S100A5: variants seen among roughly 807,000 people sequenced by gnomAD.
The protein encoded by S100A5 is S100 calcium binding protein A5, also known as protein S100-A5.
Under a neutral mutation model 6.7 loss-of-function variants are expected in S100A5, and 5 were observed. The ratio of observed to expected loss-of-function variants is 0.75; its 90% CI spans 0.39 to 1.57. S100A5 has a LOEUF of 1.57. Among genes scored for constraint, S100A5 ranks in the 40% most tolerant of loss-of-function variants. S100A5 has a pLI of 0.03. For synonymous variants in S100A5, 49 were observed against 44.9 expected, an observed-to-expected ratio of 1.09 and a Z score of -0.37; for missense variants, 129 against 110.8, an observed-to-expected ratio of 1.16 and a Z score of -0.74.
intron 2 of S100A5, among the ~76,000 whole-genome samples, chr1:153,539,444 AAAAAAAATATATAT>A (rs1165537264): frequency 1.2e-4 from 12 of 104,300 alleles, no homozygotes; most frequent in African/African-American, 4.9e-4. Context: ...AAAAAAAAAA[AAAAAAAATATATAT>A]ATATATATAT....
upstream of S100A5, chr1:153,543,572 C>A: frequency 1.6e-6 from 1 of 643,178 alleles, no homozygotes; most frequent in African/African-American, 1.8e-5. Flanking sequence ...CACAACATAT[C>A]CCTCAGTCCC....
In S100A5 at chr1:153,537,411, A is replaced by C. The variant is rs760628009; in HGVS notation, c.164T>G (p.Leu55Trp). 2 of 1,614,094 alleles carry C rather than the reference A, an allele frequency of 1.2e-6. No homozygotes were observed. The highest frequency in any genetic ancestry group is 2.2e-5 in the South Asian group (2 of 91,076). Residue 55 changes from leucine to tryptophan, a missense_variant, in exon 3 of 3, where the codon TTG becomes TGG. Coordinates refer to ENST00000368717, the MANE Select transcript of S100A5 (RefSeq NM_001394232.1). ...GCTGTTCTTGTCCAGGCTCTTCATC[A>C]AGTCATCGATGCTGCTCTCCTTCAT... Reference protein sequence around the residue: ...GEMKESSIDDLMKSLDKNSDQ... With the variant: ...GEMKESSIDDWMKSLDKNSDQ...
At position 153,540,807 on chromosome 1, in the gene S100A5, G is replaced by A. The variant is rs943195204; in HGVS notation, c.-201C>T. On this transcript the variant is annotated 5_prime_UTR_variant, in exon 1 of 3. Coordinates refer to ENST00000368717, the MANE Select transcript of S100A5 (RefSeq NM_001394232.1). ...GCAGTGCACACAGAGACGGGTCAGCGGGCAGGGAGGGCAGGGGGCCTCTTG... is the reference window on the plus strand; with the variant it reads ...GCAGTGCACACAGAGACGGGTCAGCAGGCAGGGAGGGCAGGGGGCCTCTTG... 11 of 158,980 alleles carry A rather than the reference G, an allele frequency of 6.9e-5. No individual in the cohort carries two copies. Among genetic ancestry groups the A allele is most frequent in the African/African-American group, 2.2e-4 (9 of 41,440 alleles). 9.8% of individuals were successfully genotyped at this position (158,980 alleles called of 1,614,324 possible). A position where few individuals can be genotyped will look rare whatever the true frequency, so the allele number is the denominator to read the frequency against.
In S100A5 at chr1:153,537,342, A is replaced by G. The variant is rs766617208; in HGVS notation, c.233T>C (p.Met78Thr). Residue 78 changes from methionine (M) to threonine (T), a missense_variant, in exon 3 of 3, where the codon ATG becomes ACG. Coordinates refer to ENST00000368717, the MANE Select transcript of S100A5 (RefSeq NM_001394232.1). ...DFKEYSVFLT[M>T]LCMAYNDFFL... The stretch of plus-strand genomic sequence containing the variant: ...GAAGTCGTTGTAGGCCATGCACAGC[A>G]TGGTCAGGAACACCGAGTACTCCTT... 1.2e-6 allele frequency: 2 copies of G among 1,614,056 alleles called. No individual in the cohort carries two copies. Among genetic ancestry groups the G allele is most frequent in the Non-Finnish European group, 8.5e-7 (1 of 1,180,024 alleles).
intron 1 of S100A5, 141 bp from the exon 2 acceptor site, chr1:153,540,346 A>G (rs762341326): frequency 5.2e-6 from 4 of 770,402 alleles, no homozygotes; most frequent in East Asian, 5.4e-5. Flanking sequence ...GCGCCCATCT[A>G]TATCAGTACA....
At chr1:153,542,844 T>C (rs945281345), upstream of S100A5, among the ~76,000 whole-genome samples, 4 of 152,098 alleles carry the variant, frequency 2.6e-5, no homozygotes, top group African/African-American at 9.7e-5. Flanking sequence ...AAAACTATGG[T>C]CACCTTCCCA....
chr1:153,543,063 C>T (rs190670076), upstream of S100A5, among the ~76,000 whole-genome samples: 10 of 152,248 alleles, frequency 6.6e-5, no homozygotes, highest in Admixed American at 3.9e-4. Context: ...GATCCTACCA[C>T]GCACAGGAAA....
In S100A5 at chr1:153,537,325, T is replaced by C; in HGVS notation, c.250A>G (p.Asn84Asp). 6.2e-7 allele frequency: 1 copy of C among 1,613,996 alleles called. No individual in the cohort carries two copies. The highest frequency in any genetic ancestry group is 8.5e-7 in the Non-Finnish European group (1 of 1,179,922). ...TTGTTGTCCTCTAGAAAGAAGTCGT[T>C]GTAGGCCATGCACAGCATGGTCAGG... ...VFLTMLCMAY[N>D]DFFLEDNK Residue 84 changes from asparagine (N) to aspartate (D), a missense_variant, in exon 3 of 3, where the codon AAC (asparagine) becomes GAC (aspartate). Asn to Asp is a conservative substitution (Grantham distance 23, BLOSUM62 1). Transcript: ENST00000368717.
chr1:153,541,843 C>T (rs974790882), upstream of S100A5: 1 of 1,033,876 alleles, frequency 9.7e-7, no homozygotes, highest in Non-Finnish European at 1.2e-6. Context: ...GCCACCCACT[C>T]CAGGAGTAGA....
chr1:153,539,973 G>A, intron 2 of S100A5, 81 bp downstream of exon 2: 1 of 1,545,980 alleles, frequency 6.5e-7, no homozygotes, highest in Non-Finnish European at 8.8e-7. Flanking sequence ...GGCTTAGGCT[G>A]GAGGATCCTG....
upstream of S100A5, chr1:153,541,287 G>A: frequency 2.0e-6 from 2 of 987,710 alleles, no homozygotes; most frequent in South Asian, 1.2e-5. Flanking sequence ...TGTGGGGCCA[G>A]GCCTCCTTGG....
chr1:153,543,344 TG>T, upstream of S100A5: 1 of 965,196 alleles, frequency 1.0e-6, no homozygotes, highest in Non-Finnish European at 1.2e-6. Context: ...TGGAGAGAGG[TG>T]GGAGGGGTAA....
In S100A5 at chr1:153,537,819, G is replaced by A. The variant is rs187230103; in HGVS notation, c.139-383C>T. ...TCCTAGCACTTTGGGAGGCCGAGGC[G>A]GGTGGATCACCTGACATCAGGAGTT... On this transcript the variant is annotated intron_variant, in intron 2 of 2. Coordinates refer to ENST00000368717, the MANE Select transcript of S100A5 (RefSeq NM_001394232.1). 1.8e-3 allele frequency among the ~76,000 whole-genome samples: 272 copies of A among 152,256 alleles called. 4 individuals are homozygous for A. The highest frequency in any genetic ancestry group is 6.1e-3 in the African/African-American group (253 of 41,558).
At chr1:153,538,110 A>G (rs1260686589) in intron 2 of S100A5, among the ~76,000 whole-genome samples, 1 of 151,610 alleles carries the variant, frequency 6.6e-6, no homozygotes, top group Admixed American at 6.6e-5. Context: ...TCTCTGAGTG[A>G]CTCTCTCCCC....
At chr1:153,541,145 A>G (rs911996712), upstream of S100A5, among the ~76,000 whole-genome samples, 7 of 152,172 alleles carry the variant, frequency 4.6e-5, no homozygotes, top group African/African-American at 1.2e-4. Context: ...AGCTGGGACC[A>G]CAGTTGAAGG....
At chr1:153,539,684 CAG>C (rs1170854853) in intron 2 of S100A5, among the ~76,000 whole-genome samples, 1 of 151,706 alleles carries the variant, frequency 6.6e-6, no homozygotes, top group South Asian at 2.1e-4. Context: ...AAGAATCAGG[CAG>C]AGTCCCTACA....
At chr1:153,543,209 A>G (rs1311419809), upstream of S100A5, 1 of 984,906 alleles carries the variant, frequency 1.0e-6, no homozygotes, top group Non-Finnish European at 1.2e-6. Context: ...CCTCCCTGCA[A>G]CTCAGCCTTA....
chr1:153,539,247 G>A (rs1197513838), intron 2 of S100A5, among the ~76,000 whole-genome samples: 11 of 151,218 alleles, frequency 7.3e-5, no homozygotes, highest in Non-Finnish European at 1.5e-5. Flanking sequence ...CCAACATGGT[G>A]AAACCCCCAT....
chr1:153,537,523 A>C (rs952886661), intron 2 of S100A5, 87 bp from the exon 3 acceptor site: 32 of 1,527,080 alleles, frequency 2.1e-5, no homozygotes, highest in Non-Finnish European at 2.9e-5. Flanking sequence ...CCCACCCCGA[A>C]ACTTCAGGGT....
Sources: gnomAD v4.1 joint callset for allele counts (sites outside exome capture counted in the v4.1 genomes callset) on GRCh38, gnomAD v4.1.1 for gene constraint, MANE v1.5 for transcripts, NCBI Gene and HGNC (gene_info 2026-07-23, HGNC 2026-07-21) for gene names.